The following RBPJ variants were observed in gnomAD, a reference collection of about 807,000 sequenced individuals.
RBPJ encodes the protein recombination signal binding protein for immunoglobulin kappa J region, also known as recombining binding protein suppressor of hairless.
RBPJ carries 9 observed loss-of-function variants against 67.8 expected under a neutral mutation model. The observed-to-expected ratio is 0.13, with a 90% CI of 0.08 to 0.23. The LOEUF is 0.23. Ranked by LOEUF, RBPJ falls within the 10% of genes least tolerant of loss-of-function variation. The pLI is 1.00. For synonymous variants in RBPJ, 198 were observed against 203.3 expected, an observed-to-expected ratio of 0.97 and a Z score of 0.22; for missense variants, 305 against 595.6, an observed-to-expected ratio of 0.51 and a Z score of 5.08.
intron 1 of RBPJ, among the ~76,000 whole-genome samples, chr4:26,187,867 C>CA (rs1013483540): frequency 9.3e-4 from 137 of 147,562 alleles, no homozygotes; most frequent in South Asian, 4.9e-3. Flanking sequence ...ACTAAAAATA[C>CA]AAAAAAAAAA....
At chr4:26,204,607 C>A (rs542159268) in intron 1 of RBPJ, among the ~76,000 whole-genome samples, 1 of 152,082 alleles carries the variant, frequency 6.6e-6, no homozygotes, top group South Asian at 2.1e-4. Flanking sequence ...GATGAGATGA[C>A]CTGGGTGAAG....
At chr4:26,218,184 C>T (rs546123469) in intron 1 of RBPJ, among the ~76,000 whole-genome samples, 4 of 152,246 alleles carry the variant, frequency 2.6e-5, no homozygotes, top group South Asian at 4.2e-4. Context: ...AGACCCTATG[C>T]GAAGGCAATC....
chr4:26,329,721 T>C (rs539256124), intron 1 of RBPJ, among the ~76,000 whole-genome samples: 2 of 152,044 alleles, frequency 1.3e-5, no homozygotes, highest in African/African-American at 4.8e-5. Flanking sequence ...GGTGAAACCC[T>C]GTCTCTACTA....
chr4:26,373,258 A>G (rs1490212146), intron 1 of RBPJ, among the ~76,000 whole-genome samples: 2 of 152,152 alleles, frequency 1.3e-5, no homozygotes, highest in Admixed American at 1.3e-4. Flanking sequence ...TTATTTTTAA[A>G]CTCGTGTAGA....
At chr4:26,364,608 T>G (rs1447357232) in intron 1 of RBPJ, among the ~76,000 whole-genome samples, 1 of 151,400 alleles carries the variant, frequency 6.6e-6, no homozygotes, top group Non-Finnish European at 1.5e-5. Context: ...CTTTTTTTTT[T>G]TTTTCTTTTT....
rs187476611 is a variant in RBPJ at position 26,330,306 on chromosome 4, G to A, written c.20+9258G>A. ...TTTACTTACCTTGCACAATTGTGGA[G>A]CACCTACCATCTGCCAGAATGTTAT... On this transcript the variant is annotated intron_variant, in intron 1 of 10. Coordinates refer to ENST00000355476, the MANE Select transcript of RBPJ (RefSeq NM_015874.6). 3.5e-3 allele frequency among the ~76,000 whole-genome samples: 527 copies of A among 152,268 alleles called. 3 individuals carry two copies. The highest frequency in any genetic ancestry group is 3.9e-3 in the Non-Finnish European group (265 of 68,018).
chr4:26,211,992 G>T (rs1358839928), intron 1 of RBPJ, among the ~76,000 whole-genome samples: 1 of 152,108 alleles, frequency 6.6e-6, no homozygotes, highest in African/African-American at 2.4e-5. Context: ...ACCAAAGATT[G>T]CCAGCAAGCA....
At chr4:26,369,234 A>G (rs1728918788) in intron 1 of RBPJ, among the ~76,000 whole-genome samples, 1 of 152,226 alleles carries the variant, frequency 6.6e-6, no homozygotes, top group African/African-American at 2.4e-5. Flanking sequence ...AGGTAATCTT[A>G]TTTTGAAATG....
At chr4:26,399,103 G>A (rs576358228) in intron 2 of RBPJ, among the ~76,000 whole-genome samples, 2 of 151,952 alleles carry the variant, frequency 1.3e-5, no homozygotes, top group South Asian at 2.1e-4. Flanking sequence ...CTTTTCTGCC[G>A]TAACCTTAGT....
At chr4:26,331,082 T>C (rs1724198808) in intron 1 of RBPJ, among the ~76,000 whole-genome samples, 1 of 152,118 alleles carries the variant, frequency 6.6e-6, no homozygotes, top group Non-Finnish European at 1.5e-5. Context: ...CCTGGTTTGT[T>C]TTAGGGGGAG....
At chr4:26,394,898 T>C (rs1051088293) in intron 2 of RBPJ, among the ~76,000 whole-genome samples, 1 of 152,168 alleles carries the variant, frequency 6.6e-6, no homozygotes, top group Admixed American at 6.5e-5. Context: ...TTCATAAAAG[T>C]TTACCATTTC....
rs756179288 is a variant in RBPJ, at chr4:26,406,165, T to A, written c.60-10T>A. ...ACCTCTGTAACAGTAATATTTGTAT[T>A]TGTTTTTAGGGAAGCTATGCGAAAT... On this transcript the variant is annotated splice_polypyrimidine_tract_variant and intron_variant, in intron 2 of 10. Coordinates refer to ENST00000355476, the MANE Select transcript of RBPJ (RefSeq NM_015874.6). 2 of 1,567,092 alleles carry A rather than the reference T, an allele frequency of 1.3e-6. No homozygotes were observed. The highest frequency in any genetic ancestry group is 4.5e-5 in the East Asian group (2 of 44,506).
chr4:26,343,733 T>TTTC (rs1725806070), intron 1 of RBPJ, among the ~76,000 whole-genome samples: 3 of 145,496 alleles, frequency 2.1e-5, no homozygotes, highest in Admixed American at 1.4e-4. Flanking sequence ...TACTTCTTTC[T>TTTC]TTCTTCTTTT....
the RBPJ span, among the ~76,000 whole-genome samples, chr4:26,109,454 CTCTCTCTATATATATATATA>C: frequency 4.7e-5 from 1 of 21,078 alleles, no homozygotes; most frequent in Non-Finnish European, 8.7e-5. Flanking sequence ...CTCTCTCTCT[CTCTCTCTATATATATATATA>C]TATATATATA....
At chr4:26,113,620 C>T in the RBPJ span, 1 of 365,338 alleles carries the variant, frequency 2.7e-6, no homozygotes, top group Non-Finnish European at 5.5e-6. Context: ...GGTCAGCCTT[C>T]ACTGTCCATC....
intron 1 of RBPJ, among the ~76,000 whole-genome samples, chr4:26,360,730 C>T (rs746795443): frequency 1.3e-5 from 2 of 151,222 alleles, no homozygotes; most frequent in Non-Finnish European, 2.9e-5. Context: ...TACAGGTGCG[C>T]GTCACTATGA....
At chr4:26,242,986 G>A (rs890977073) in intron 1 of RBPJ, among the ~76,000 whole-genome samples, 10 of 152,126 alleles carry the variant, frequency 6.6e-5, no homozygotes, top group African/African-American at 2.2e-4. Flanking sequence ...CAGCACTTTG[G>A]GAGGCCCAGG....
chr4:26,350,174 T>G (rs758155323), intron 1 of RBPJ, among the ~76,000 whole-genome samples: 4 of 152,160 alleles, frequency 2.6e-5, no homozygotes, highest in Non-Finnish European at 4.4e-5. Flanking sequence ...TTTTCATATT[T>G]CATTAAGAAG....
chr4:26,358,655 T>A (rs1306496303), intron 1 of RBPJ, among the ~76,000 whole-genome samples: 1 of 149,256 alleles, frequency 6.7e-6, no homozygotes, highest in African/African-American at 2.5e-5. Context: ...ACGTGGTGCA[T>A]GCCTATAGTT....
Sources: gnomAD v4.1 joint callset for allele counts (sites outside exome capture counted in the v4.1 genomes callset) on GRCh38, gnomAD v4.1.1 for gene constraint, MANE v1.5 for transcripts, NCBI Gene and HGNC (gene_info 2026-07-23, HGNC 2026-07-21) for gene names.